Variants in CTDSPL observed in about 807,000 individuals in gnomAD.
The protein encoded by CTDSPL is CTD small phosphatase like.
In CTDSPL, 8 loss-of-function variants were observed where a neutral mutation model predicts 30.5. The observed-to-expected ratio is 0.26, with a 90% CI of 0.15 to 0.47. The LOEUF is 0.47. CTDSPL is among the 20% of genes least tolerant of loss of function. CTDSPL has a pLI of 0.99. For synonymous variants in CTDSPL, 110 were observed against 137.9 expected (o/e 0.80, Z 1.42); for missense variants, 248 against 366.1 (o/e 0.68, Z 2.63).
chr3:37,906,187 C>T (rs888669666), intron 1 of CTDSPL, among the ~76,000 whole-genome samples: 3 of 152,110 alleles, frequency 2.0e-5, no homozygotes, highest in Non-Finnish European at 4.4e-5. Context: ...GTGTGCTTTG[C>T]CCAGTGGGGA....
At chr3:37,876,561 T>C (rs1698136669) in intron 1 of CTDSPL, among the ~76,000 whole-genome samples, 1 of 152,212 alleles carries the variant, frequency 6.6e-6, no homozygotes, top group South Asian at 2.1e-4. Context: ...TTCCTAAATC[T>C]CTGATGATGC....
chr3:37,929,326 C>T (rs754621317), intron 1 of CTDSPL, among the ~76,000 whole-genome samples: 7 of 152,018 alleles, frequency 4.6e-5, no homozygotes, highest in Non-Finnish European at 5.9e-5. Flanking sequence ...AAACAAAAGC[C>T]GTTTGGATTT....
chr3:37,866,047 GTTCTAGAGAAATAACC>G (rs1296560085), intron 1 of CTDSPL, among the ~76,000 whole-genome samples: 2 of 152,180 alleles, frequency 1.3e-5, no homozygotes, highest in South Asian at 4.1e-4. Flanking sequence ...CTGAGTTTCT[GTTCTAGAGAAATAACC>G]TCATTTGTGC....
At chr3:37,969,805 A>G (rs1162393042) in intron 5 of CTDSPL, among the ~76,000 whole-genome samples, 1 of 152,088 alleles carries the variant, frequency 6.6e-6, no homozygotes, top group Non-Finnish European at 1.5e-5. Flanking sequence ...CCACAAATCC[A>G]TGTCCACCTC....
chr3:37,901,608 T>A (rs917261316), intron 1 of CTDSPL, among the ~76,000 whole-genome samples: 1 of 152,214 alleles, frequency 6.6e-6, no homozygotes, highest in Non-Finnish European at 1.5e-5. Flanking sequence ...TACTATGATA[T>A]GTCATGTGCT....
Position 37,922,390 on chromosome 3 carries a change from C to T in CTDSPL, c.80-24667C>T, listed in dbSNP as rs1448204224. Among the ~76,000 whole-genome samples the T allele has an allele frequency of 3.3e-5, 5 of 152,164 alleles. No homozygotes were observed. The East Asian group carries it at 9.6e-4, about 29-fold the overall frequency. On this transcript the variant is annotated intron_variant, in intron 1 of 7. Transcript: ENST00000273179. ...TATGAAGGCAGGGCCTGTCCCAAGA[C>T]TGAGCCTGTGTGACCTGGGAAGCAG...
rs1340816816 is a variant in CTDSPL, at chr3:37,962,710, A to C, written c.268-1861A>C. ...TTAAATTAATAAGTTAAAACATTTT[A>C]GTAGTTTATAAACGCATAGGAAAAG... On this transcript the variant is annotated intron_variant, in intron 3 of 7. Transcript: ENST00000273179. 2.6e-5 allele frequency among the ~76,000 whole-genome samples: 4 copies of C among 152,370 alleles called. No individual in the cohort carries two copies. In the East Asian group the frequency reaches 5.8e-4, roughly 22 times the overall value.
intron 1 of CTDSPL, among the ~76,000 whole-genome samples, chr3:37,868,516 G>A (rs182251849): frequency 6.5e-4 from 99 of 151,888 alleles, no homozygotes; most frequent in Middle Eastern, 3.4e-3. Flanking sequence ...TTTCTCCTAC[G>A]CTTTTTCCAA....
At chr3:37,970,965 A>G (rs773822208) in intron 5 of CTDSPL, among the ~76,000 whole-genome samples, 1 of 152,192 alleles carries the variant, frequency 6.6e-6, no homozygotes, top group African/African-American at 2.4e-5. Context: ...AGCCGGAGCA[A>G]TCCCAGACCT....
intron 1 of CTDSPL, among the ~76,000 whole-genome samples, chr3:37,928,477 G>A (rs1439538581): frequency 6.6e-6 from 1 of 152,114 alleles, no homozygotes; most frequent in East Asian, 1.9e-4. Flanking sequence ...TTTCCCTGAT[G>A]GTCAGTGATG....
At position 37,975,598 on chromosome 3, in the gene CTDSPL, C is replaced by G. The variant is rs1699415904; in HGVS notation, c.520-111C>G. The G allele has an allele frequency of 8.6e-6, 8 of 932,310 alleles. No homozygotes were observed. Among genetic ancestry groups the G allele is most frequent in the Admixed American group, 2.4e-5 (1 of 42,454 alleles). 57.8% of individuals were successfully genotyped at this position (932,310 alleles called of 1,614,324 possible). On this transcript the variant is annotated intron_variant, in intron 6 of 7. Coordinates refer to ENST00000273179, the MANE Select transcript of CTDSPL (RefSeq NM_001008392.2). The surrounding 1 kb of genome is among the most constrained non-coding windows in gnomAD (Gnocchi z 4.9). The stretch of plus-strand genomic sequence containing the variant: ...AAATAACCAGGATCCTAAGACACAT[C>G]TAATTATTAAATCCATTTTTAAAAA...
chr3:37,877,337 A>G (rs530892473), intron 1 of CTDSPL, among the ~76,000 whole-genome samples: 3 of 152,266 alleles, frequency 2.0e-5, no homozygotes, highest in South Asian at 4.1e-4. Context: ...GCTGCCTCAT[A>G]TAAGTGGAAT....
chr3:37,933,602 C>T (rs1233191340), intron 1 of CTDSPL, among the ~76,000 whole-genome samples: 1 of 152,166 alleles, frequency 6.6e-6, no homozygotes, highest in Non-Finnish European at 1.5e-5. Flanking sequence ...TGAACAAACT[C>T]CACTCTTTAC....
At position 37,887,572 on chromosome 3, in the gene CTDSPL, A is replaced by G. The variant is rs573348473; in HGVS notation, c.79+25294A>G. On this transcript the variant is annotated intron_variant, in intron 1 of 7. Transcript: ENST00000273179. ...AACTATAAAAATAATTATATTCTACAAAATAAAAATAATTCCTAGCTCCCA... is the reference window on the plus strand; with the variant it reads ...AACTATAAAAATAATTATATTCTACGAAATAAAAATAATTCCTAGCTCCCA... Among the ~76,000 whole-genome samples, 362 of 152,346 alleles carry G rather than the reference A, an allele frequency of 2.4e-3. 2 individuals carry two copies. The highest frequency in any genetic ancestry group is 3.3e-3 in the Non-Finnish European group (227 of 68,032).
At chr3:37,958,767 G>A (rs1699203715) in intron 3 of CTDSPL, among the ~76,000 whole-genome samples, 1 of 152,198 alleles carries the variant, frequency 6.6e-6, no homozygotes, top group African/African-American at 2.4e-5. Flanking sequence ...GTGAACCTAT[G>A]AACTATCTTG....
chr3:37,980,717 G>A lies in CTDSPL; in HGVS notation c.706-25G>A, dbSNP rs370137970. 7 of 1,613,680 alleles carry A rather than the reference G, an allele frequency of 4.3e-6. No individual in the cohort carries two copies. In the South Asian group the frequency reaches 7.7e-5, roughly 18 times the overall value. On this transcript the variant is annotated intron_variant, in intron 7 of 7. Coordinates refer to ENST00000273179, the MANE Select transcript of CTDSPL (RefSeq NM_001008392.2). ...CCCCAGCGCTAGATGCAGTCCTGCT[G>A]CCTCCTCCATGCACTGTCTTCCAGG...
chr3:37,968,067 A>G, intron 5 of CTDSPL, 185 bp downstream of exon 5: 1 of 554,752 alleles, frequency 1.8e-6, no homozygotes, highest in Non-Finnish European at 3.2e-6. Flanking sequence ...TACTGAGATT[A>G]TAAGGAAACT....
At chr3:37,891,986 A>C (rs1698333450) in intron 1 of CTDSPL, among the ~76,000 whole-genome samples, 1 of 152,236 alleles carries the variant, frequency 6.6e-6, no homozygotes, top group Non-Finnish European at 1.5e-5. Flanking sequence ...AGATCAATAC[A>C]ACTTTTGTTT....
intron 3 of CTDSPL, among the ~76,000 whole-genome samples, chr3:37,960,502 AAAAATATATAT>A (rs1559645116): frequency 3.6e-5 from 2 of 56,052 alleles, no homozygotes; most frequent in African/African-American, 1.6e-4. Context: ...AAAAAAAAAA[AAAAATATATAT>A]ATATATATAT....
Sources: gnomAD v4.1 joint callset for allele counts (sites outside exome capture counted in the v4.1 genomes callset) on GRCh38, gnomAD v4.1.1 for gene constraint, Gnocchi (gnomAD v3.1) non-coding constraint, MANE v1.5 for transcripts, NCBI Gene and HGNC (gene_info 2026-07-23, HGNC 2026-07-21) for gene names.